CHIA: variants seen among roughly 807,000 people sequenced by gnomAD.
CHIA encodes chitinase acidic, also known as acidic mammalian chitinase.
A neutral mutation model predicts 53.5 loss-of-function variants in CHIA; 47 were observed. That is an observed-to-expected ratio of 0.88 (90% confidence interval 0.70 to 1.12). The LOEUF is 1.12. CHIA is among the 50% of genes most tolerant of loss of function. The pLI, the probability that CHIA is intolerant of heterozygous loss-of-function variation, is 0.00. For synonymous variants in CHIA, 268 were observed against 222.2 expected, an observed-to-expected ratio of 1.21 and a Z score of -1.83; for missense variants, 652 against 592.2, an observed-to-expected ratio of 1.10 and a Z score of -1.05.
rs1437737154 is a variant in CHIA, at chr1:111,320,212, G to A, written c.1178-1G>A. 6.2e-7 allele frequency: 1 copy of A among 1,612,906 alleles called. No individual in the cohort carries two copies. Among genetic ancestry groups the A allele is most frequent in the Non-Finnish European group, 8.5e-7 (1 of 1,179,552 alleles). On this transcript the variant is annotated splice_acceptor_variant, in intron 11 of 11. Transcript: ENST00000369740. LOFTEE classifies it high-confidence loss of function. ...TCTGCTCTTACTGCTGTATGTTTCAGGTTGCACGGCTCCAGCTCAGCCCAT... is the reference window on the plus strand; with the variant it reads ...TCTGCTCTTACTGCTGTATGTTTCAAGTTGCACGGCTCCAGCTCAGCCCAT...
chr1:111,312,485 G>A (rs1648770731), intron 4 of CHIA, 94 bp downstream of exon 4: 2 of 1,018,538 alleles, frequency 2.0e-6, no homozygotes, highest in African/African-American at 3.2e-5. Context: ...CCATGGATCT[G>A]AGATGGGGAC....
intron 1 of CHIA, among the ~76,000 whole-genome samples, chr1:111,297,023 G>A (rs1647225204): frequency 6.6e-6 from 1 of 152,116 alleles, no homozygotes; most frequent in Non-Finnish European, 1.5e-5. Flanking sequence ...GAAGTTTACA[G>A]AAAAAAGAGT....
At chr1:111,320,056 C>G in intron 11 of CHIA, among the ~76,000 whole-genome samples, 157 bp from the exon 12 acceptor site, 1 of 152,106 alleles carries the variant, frequency 6.6e-6, no homozygotes, top group East Asian at 1.9e-4. Context: ...TTATTTATCT[C>G]CTGAATATGG....
At position 111,310,505 on chromosome 1, in the gene CHIA, T is replaced by A; in HGVS notation, c.25+13T>A. On this transcript the variant is annotated intron_variant, in intron 2 of 11. Transcript: ENST00000369740. ...ATTCTCCTCACAGGTGGGTTTGTAA[T>A]CAGAGATTGACCCTTCATCTTATCT... 1 of 1,614,224 alleles carries A rather than the reference T, an allele frequency of 6.2e-7. No individual in the cohort carries two copies. Among genetic ancestry groups the A allele is most frequent in the South Asian group, 1.1e-5 (1 of 91,076 alleles).
rs1648589985 is a variant in CHIA, at chr1:111,310,592, A to G, written c.25+100A>G. ...AGTGGTCTTCATACTACATCCCTAT[A>G]CTTTTCCATTCTTCTTTCATCATTT... On this transcript the variant is annotated intron_variant, in intron 2 of 11. Coordinates refer to ENST00000369740, the MANE Select transcript of CHIA (RefSeq NM_201653.4). The G allele has an allele frequency of 1.9e-6, 3 of 1,565,758 alleles. No individual in the cohort carries two copies. In the Admixed American group the frequency reaches 5.9e-5, roughly 31 times the overall value.
At position 111,320,458 on chromosome 1, in the gene CHIA, T is replaced by A. The variant is rs1470713121; in HGVS notation, c.1423T>A (p.Trp475Arg). 1 of 1,613,992 alleles carries A rather than the reference T, an allele frequency of 6.2e-7. No homozygotes were observed. Among genetic ancestry groups the A allele is most frequent in the Admixed American group, 1.7e-5 (1 of 60,026 alleles). The change falls in exon 12 of 12, where the codon TGG (tryptophan) becomes AGG (arginine). Residue 475 changes from tryptophan (W) to arginine (R), a missense_variant. Transcript: ENST00000369740. Reference sequence around the variant, plus strand: ...CGACACCAGCTGTGATTGCTGCAACTGGGCATAAACCTGACCTGGTCTATA... The same window carrying A: ...CGACACCAGCTGTGATTGCTGCAACAGGGCATAAACCTGACCTGGTCTATA... ...VFDTSCDCCNWA is the reference protein window; with the variant it reads ...VFDTSCDCCNRA
At position 111,318,552 on chromosome 1, in the gene CHIA, A is replaced by G. The variant is rs563032025; in HGVS notation, c.789A>G (p.Gly263=). The change falls in exon 9 of 12, where the codon GGA becomes GGG. Residue 263 remains glycine (G), a synonymous_variant. Transcript: ENST00000369740. ...CACCAGCTGAGAAGCTCATCGTTGG[A>G]TTCCCTACCTATGGACACAACTTCA... is the stretch of plus-strand genomic sequence containing the variant. ...NGAPAEKLIV[G]FPTYGHNFIL... 6 of 1,614,202 alleles carry G rather than the reference A, an allele frequency of 3.7e-6. No homozygotes were observed. The highest frequency in any genetic ancestry group is 1.1e-5 in the South Asian group (1 of 91,082).
At chr1:111,309,063 T>A (rs1648455245) in intron 1 of CHIA, among the ~76,000 whole-genome samples, 1 of 152,166 alleles carries the variant, frequency 6.6e-6, no homozygotes, top group African/African-American at 2.4e-5. Flanking sequence ...GAAAAATAGC[T>A]AACGCATGCT....
At position 111,320,211 on chromosome 1, in the gene CHIA, A is replaced by G; in HGVS notation, c.1178-2A>G. The G allele has an allele frequency of 6.2e-7, 1 of 1,612,738 alleles. No individual in the cohort carries two copies. The highest frequency in any genetic ancestry group is 8.5e-7 in the Non-Finnish European group (1 of 1,179,370). ...GTCTGCTCTTACTGCTGTATGTTTC[A>G]GGTTGCACGGCTCCAGCTCAGCCCA... On this transcript the variant is annotated splice_acceptor_variant, in intron 11 of 11. Transcript: ENST00000369740. LOFTEE classifies it high-confidence loss of function.
Position 111,319,443 on chromosome 1 carries a change from G to A in CHIA, c.1152G>A (p.Lys384=). 6.2e-7 allele frequency: 1 copy of A among 1,614,074 alleles called. No homozygotes were observed. Reference sequence around the variant, plus strand: ...AGTTTCCCCTAATCTCCACCCTGAAGAAGGCCCTCGGCCTGCAGAGTGCAA... The same window carrying A: ...AGTTTCCCCTAATCTCCACCCTGAAAAAGGCCCTCGGCCTGCAGAGTGCAA... The part of the protein sequence containing the change: ...QGKFPLISTL[K]KALGLQSASC... Residue 384 remains lysine, a synonymous_variant, in exon 11 of 12, where the codon AAG becomes AAA. Transcript: ENST00000369740.
chr1:111,317,800 G>C lies in CHIA; in HGVS notation c.600G>C (p.Leu200=), dbSNP rs1649284623. The change falls in exon 7 of 12, where the codon CTG becomes CTC. Residue 200 remains leucine (L), a synonymous_variant. Coordinates refer to ENST00000369740, the MANE Select transcript of CHIA (RefSeq NM_201653.4). ...NIQSGYEIPQ[L]SQYLDYIHVM... Reference sequence around the variant, plus strand: ...AGTCTGGCTATGAGATCCCCCAACTGTCACAGTGAGTGATGTGCCTTATCT... The same window carrying C: ...AGTCTGGCTATGAGATCCCCCAACTCTCACAGTGAGTGATGTGCCTTATCT... 1 of 1,613,648 alleles carries C rather than the reference G, an allele frequency of 6.2e-7. No homozygotes were observed. Among genetic ancestry groups the C allele is most frequent in the African/African-American group, 1.3e-5 (1 of 75,028 alleles).
intron 1 of CHIA, among the ~76,000 whole-genome samples, chr1:111,303,724 G>A (rs1233171822): frequency 2.0e-5 from 3 of 152,060 alleles, no homozygotes; most frequent in Non-Finnish European, 4.4e-5. Flanking sequence ...ATGATTCTTT[G>A]AAATGCATTT....
At chr1:111,309,979 G>T (rs1342479260) in intron 1 of CHIA, among the ~76,000 whole-genome samples, 1 of 152,200 alleles carries the variant, frequency 6.6e-6, no homozygotes, top group Non-Finnish European at 1.5e-5. Flanking sequence ...ACCTAAAGAA[G>T]GAAGATTTCT....
chr1:111,296,706 G>A (rs1046425052), intron 1 of CHIA, among the ~76,000 whole-genome samples: 17 of 152,226 alleles, frequency 1.1e-4, no homozygotes, highest in African/African-American at 3.9e-4. Context: ...ACGGAACAAA[G>A]CTGGACGGAG....
intron 1 of CHIA, among the ~76,000 whole-genome samples, chr1:111,299,453 T>C (rs2101611474): frequency 6.6e-6 from 1 of 152,324 alleles, no homozygotes; most frequent in South Asian, 2.1e-4. Flanking sequence ...TCAGTAAACA[T>C]AATCCATCCC....
At position 111,297,012 on chromosome 1, in the gene CHIA, A is replaced by G. The variant is rs114274222; in HGVS notation, c.-69+6062A>G. Among the ~76,000 whole-genome samples, 1,262 of 152,314 alleles carry G rather than the reference A, an allele frequency of 8.3e-3. 31 individuals carry two copies. Among genetic ancestry groups the G allele is most frequent in the African/African-American group, 0.029 (1,193 of 41,558 alleles). On this transcript the variant is annotated intron_variant, in intron 1 of 11. Coordinates refer to ENST00000369740, the MANE Select transcript of CHIA (RefSeq NM_201653.4). ...CAAATTAATGAAATAAACCTAGAAG[A>G]GAAGTTTACAGAAAAAAGAGTAAAA... is the stretch of plus-strand genomic sequence containing the variant.
In CHIA at chr1:111,320,202, G is replaced by T; in HGVS notation, c.1178-11G>T. The stretch of plus-strand genomic sequence containing the variant: ...AGCCCACTAGTCTGCTCTTACTGCT[G>T]TATGTTTCAGGTTGCACGGCTCCAG... On this transcript the variant is annotated splice_polypyrimidine_tract_variant and intron_variant, in intron 11 of 11. Transcript: ENST00000369740. The T allele has an allele frequency of 6.2e-7, 1 of 1,611,702 alleles. No homozygotes were observed. Among genetic ancestry groups the T allele is most frequent in the Non-Finnish European group, 8.5e-7 (1 of 1,178,728 alleles).
rs910307983 is a variant in CHIA at position 111,315,440 on chromosome 1, G to T, written c.480+5G>T. The T allele has an allele frequency of 4.3e-6, 7 of 1,610,680 alleles. No homozygotes were observed. The highest frequency in any genetic ancestry group is 5.9e-6 in the Non-Finnish European group (7 of 1,178,182). On this transcript the variant is annotated splice_donor_5th_base_variant and intron_variant, in intron 6 of 11. Coordinates refer to ENST00000369740, the MANE Select transcript of CHIA (RefSeq NM_201653.4). Reference sequence around the variant, plus strand: ...CTCTTCACTGTCCTGGTGCAGGTGGGGAAGGAAGTCCCAGTCTTTAGCCCA... The same window carrying T: ...CTCTTCACTGTCCTGGTGCAGGTGGTGAAGGAAGTCCCAGTCTTTAGCCCA...
At chr1:111,319,276 C>T in intron 10 of CHIA, 37 bp downstream of exon 10, 2 of 1,614,034 alleles carry the variant, frequency 1.2e-6, no homozygotes, top group South Asian at 2.2e-5. Flanking sequence ...AGGTCCCAGC[C>T]CTGAGTCCCA....
Sources: allele counts gnomAD v4.1 joint callset (sites outside exome capture counted in the v4.1 genomes callset), GRCh38; gene constraint gnomAD v4.1.1; transcripts MANE v1.5; gene names NCBI Gene and HGNC (gene_info 2026-07-23, HGNC 2026-07-21).